Variants in CSMD1 observed in about 807,000 individuals in gnomAD.
CSMD1 encodes CUB and Sushi multiple domains 1.
In CSMD1, 213 loss-of-function variants were observed where a neutral mutation model predicts 417.5. That is an observed-to-expected ratio of 0.51 (90% CI 0.46 to 0.57). The LOEUF is 0.57. Among genes scored for constraint, CSMD1 ranks in the 20% least tolerant of loss-of-function variants. The pLI, the probability that CSMD1 is intolerant of heterozygous loss-of-function variation, is 0.00. For missense variants in CSMD1, 6,923 were observed against 4,529.7 expected (o/e 1.53, Z -15.17); for synonymous variants, 2,862 against 1,736.8 (o/e 1.65, Z -16.11).
intron 1 of CSMD1, among the ~76,000 whole-genome samples, chr8:4,824,561 A>C (rs1039445665): frequency 1.3e-5 from 2 of 152,174 alleles, no homozygotes; most frequent in African/African-American, 4.8e-5. Flanking sequence ...TACACCACGG[A>C]AACAGTCTCA....
chr8:3,339,319 A>G (rs1293704752), intron 23 of CSMD1, among the ~76,000 whole-genome samples: 2 of 152,080 alleles, frequency 1.3e-5, no homozygotes, highest in Admixed American at 6.5e-5. Flanking sequence ...CTGTTTGCAG[A>G]ACACTTTAAA....
At chr8:3,213,300 C>T (rs1797715255) in intron 30 of CSMD1, among the ~76,000 whole-genome samples, 1 of 152,154 alleles carries the variant, frequency 6.6e-6, no homozygotes, top group South Asian at 2.1e-4. Context: ...GAAGTTCTAC[C>T]TCATTCTTCT....
At chr8:4,349,089 T>G (rs963743358) in intron 3 of CSMD1, among the ~76,000 whole-genome samples, 4 of 152,226 alleles carry the variant, frequency 2.6e-5, no homozygotes. Context: ...ATGCTCAAAT[T>G]ACAAAATGAG....
chr8:3,137,084 T>C (rs1818145264), intron 41 of CSMD1, among the ~76,000 whole-genome samples: 1 of 152,166 alleles, frequency 6.6e-6, no homozygotes, highest in South Asian at 2.1e-4. Flanking sequence ...ATCTCCAGCC[T>C]TTATCATTTC....
At chr8:4,490,965 T>G (rs563928973) in intron 2 of CSMD1, among the ~76,000 whole-genome samples, 49 of 152,350 alleles carry the variant, frequency 3.2e-4, no homozygotes, top group African/African-American at 1.1e-3. Flanking sequence ...AGAACTGTTA[T>G]GTGAACCACA....
chr8:3,464,173 G>T (rs1256357342), intron 12 of CSMD1, among the ~76,000 whole-genome samples: 2 of 152,090 alleles, frequency 1.3e-5, no homozygotes, highest in East Asian at 1.9e-4. Flanking sequence ...TTCTGGAGAT[G>T]CAGTTCATCA....
intron 12 of CSMD1, among the ~76,000 whole-genome samples, chr8:3,421,901 G>A (rs967014217): frequency 6.9e-6 from 1 of 145,772 alleles, no homozygotes; most frequent in Admixed American, 6.7e-5. Context: ...GCCGCCCAAA[G>A]TGCTGGGATT....
intron 5 of CSMD1, among the ~76,000 whole-genome samples, chr8:3,877,398 G>A (rs550670820): frequency 8.5e-5 from 13 of 152,310 alleles, no homozygotes; most frequent in Middle Eastern, 3.4e-3. Flanking sequence ...CCGAACCCAC[G>A]TTCCATACAG....
At chr8:4,172,089 A>G (rs1319991973) in intron 3 of CSMD1, among the ~76,000 whole-genome samples, 2 of 152,200 alleles carry the variant, frequency 1.3e-5, no homozygotes, top group African/African-American at 4.8e-5. Context: ...AAGGCGTATC[A>G]CGGAGAGTTT....
At chr8:3,241,983 T>C (rs1035386200) in intron 26 of CSMD1, among the ~76,000 whole-genome samples, 2 of 107,462 alleles carry the variant, frequency 1.9e-5, no homozygotes, top group African/African-American at 6.5e-5. Flanking sequence ...TTTTGACCTT[T>C]TAGGGTCTAG....
intron 3 of CSMD1, among the ~76,000 whole-genome samples, chr8:4,046,753 A>AAC (rs1019685039): frequency 1.3e-5 from 2 of 152,148 alleles, no homozygotes; most frequent in Non-Finnish European, 2.9e-5. Context: ...TTTCCCCCAT[A>AAC]ACACACACAC....
chr8:3,120,505 C>G (rs1817137112), intron 41 of CSMD1, among the ~76,000 whole-genome samples: 1 of 152,036 alleles, frequency 6.6e-6, no homozygotes, highest in Non-Finnish European at 1.5e-5. Context: ...TTATCCATAG[C>G]TTTCTCCTAT....
chr8:4,540,717 C>T (rs1429243543), intron 2 of CSMD1, among the ~76,000 whole-genome samples: 2 of 152,126 alleles, frequency 1.3e-5, no homozygotes, highest in Non-Finnish European at 2.9e-5. Flanking sequence ...CGGATGCTTA[C>T]CAAGTGTCTA....
intron 54 of CSMD1, among the ~76,000 whole-genome samples, chr8:2,985,565 T>C (rs1805821701): frequency 6.6e-6 from 1 of 152,238 alleles, no homozygotes; most frequent in South Asian, 2.1e-4. Flanking sequence ...GCAATACTCC[T>C]TATAGTTTTC....
At chr8:4,462,654 T>A (rs1360269608) in intron 2 of CSMD1, among the ~76,000 whole-genome samples, 2 of 152,172 alleles carry the variant, frequency 1.3e-5, no homozygotes, top group African/African-American at 4.8e-5. Flanking sequence ...ATTAATGAAA[T>A]AAAATTCACG....
intron 5 of CSMD1, among the ~76,000 whole-genome samples, chr8:3,975,253 T>C (rs1000980166): frequency 2.6e-5 from 4 of 152,222 alleles, no homozygotes; most frequent in Non-Finnish European, 5.9e-5. Context: ...TCGTTATTTA[T>C]CAGTATGAGA....
intron 3 of CSMD1, among the ~76,000 whole-genome samples, chr8:4,276,126 T>C (rs1437206570): frequency 6.6e-6 from 1 of 152,166 alleles, no homozygotes; most frequent in African/African-American, 2.4e-5. Context: ...AGTGGGTATA[T>C]ACCCAAAGGG....
intron 1 of CSMD1, among the ~76,000 whole-genome samples, chr8:4,936,993 T>C (rs1040180114): frequency 6.6e-6 from 1 of 152,186 alleles, no homozygotes; most frequent in Non-Finnish European, 1.5e-5. Flanking sequence ...GGAGGATACC[T>C]TGAGGTCAGG....
chr8:3,128,564 G>A (rs925609427), intron 41 of CSMD1: 1 of 277,164 alleles, frequency 3.6e-6, no homozygotes, highest in Non-Finnish European at 7.1e-6. Context: ...GTAGAACCTA[G>A]GAATGTTTAT....
Sources: allele counts gnomAD v4.1 joint callset (sites outside exome capture counted in the v4.1 genomes callset), GRCh38; gene constraint gnomAD v4.1.1; transcripts MANE v1.5; gene names NCBI Gene and HGNC (gene_info 2026-07-23, HGNC 2026-07-21).